The following TRDN variants were observed in gnomAD, a reference collection of about 807,000 sequenced individuals.
TRDN encodes the protein triadin in skeletal muscle.
In TRDN, 161 loss-of-function variants were observed where a neutral mutation model predicts 149.7. The observed-to-expected ratio is 1.08, with a 90% CI of 0.95 to 1.23. The LOEUF is 1.23. Among genes scored for constraint, TRDN ranks in the 50% most tolerant of loss-of-function variants. TRDN has a pLI of 0.00. For missense variants in TRDN, 896 were observed against 823.5 expected, an observed-to-expected ratio of 1.09 and a Z score of -1.08; for synonymous variants, 294 against 250.5, an observed-to-expected ratio of 1.17 and a Z score of -1.64.
chr6:123,301,741 GTA>G (rs1290814800), intron 24 of TRDN, among the ~76,000 whole-genome samples: 1 of 47,344 alleles, frequency 2.1e-5, no homozygotes, highest in East Asian at 4.4e-4. Flanking sequence ...ATGTATGTAT[GTA>G]TATATATACA....
intron 26 of TRDN, among the ~76,000 whole-genome samples, chr6:123,276,219 T>C (rs1030209824): frequency 1.3e-5 from 2 of 152,086 alleles, no homozygotes; most frequent in African/African-American, 2.4e-5. Context: ...TATAGATATA[T>C]ATTATTGTAA....
chr6:123,355,953 C>G (rs928783549), intron 20 of TRDN, among the ~76,000 whole-genome samples: 1 of 151,726 alleles, frequency 6.6e-6, no homozygotes, highest in Non-Finnish European at 1.5e-5. Flanking sequence ...ATTTCTAAAG[C>G]AGTTATGTTT....
chr6:123,574,848 T>TTATA (rs1270587188), intron 1 of TRDN, among the ~76,000 whole-genome samples: 98 of 102,510 alleles, frequency 9.6e-4, no homozygotes, highest in African/African-American at 2.6e-3. Context: ...GAACATGAAT[T>TTATA]TATATATACA....
intron 9 of TRDN, among the ~76,000 whole-genome samples, chr6:123,491,862 G>A (rs1251098950): frequency 6.6e-6 from 1 of 152,082 alleles, no homozygotes; most frequent in African/African-American, 2.4e-5. Context: ...GAAGTCTAAA[G>A]CAAAGCTAAA....
intron 9 of TRDN, among the ~76,000 whole-genome samples, chr6:123,493,288 T>C (rs781011940): frequency 6.6e-6 from 1 of 152,144 alleles, no homozygotes; most frequent in African/African-American, 2.4e-5. Context: ...TTATAATTTA[T>C]ACTGGTTTAT....
At chr6:123,236,306 C>T (rs905203987) in intron 38 of TRDN, among the ~76,000 whole-genome samples, 1 of 152,104 alleles carries the variant, frequency 6.6e-6, no homozygotes, top group Non-Finnish European at 1.5e-5. Flanking sequence ...ATTCATACAT[C>T]CTCTTTGGTG....
chr6:123,493,516 C>T (rs1778309456), intron 9 of TRDN, among the ~76,000 whole-genome samples: 1 of 152,130 alleles, frequency 6.6e-6, no homozygotes, highest in Admixed American at 6.6e-5. Flanking sequence ...CACATTTCAT[C>T]AGCAAGCGTT....
At chr6:123,480,577 C>T (rs953191771) in intron 9 of TRDN, among the ~76,000 whole-genome samples, 3 of 151,966 alleles carry the variant, frequency 2.0e-5, no homozygotes, top group African/African-American at 7.2e-5. Flanking sequence ...TTCAGTATTA[C>T]TTTCCAGAGA....
chr6:123,351,720 A>C (rs1241316337), intron 21 of TRDN: 1 of 928,040 alleles, frequency 1.1e-6, no homozygotes, highest in African/African-American at 1.8e-5. Context: ...ATTTAATTGC[A>C]TCTCAAATTT....
intron 12 of TRDN, among the ~76,000 whole-genome samples, chr6:123,401,597 A>G (rs770621236): frequency 1.3e-5 from 2 of 152,140 alleles, no homozygotes; most frequent in Non-Finnish European, 2.9e-5. Context: ...AATAAAGTGT[A>G]TGGTACTCTG....
intron 21 of TRDN, chr6:123,350,045 A>G (rs933544282): frequency 2.0e-6 from 2 of 984,226 alleles, no homozygotes; most frequent in Non-Finnish European, 1.2e-6. Flanking sequence ...GCAAAGTTGA[A>G]TATTTTATTA....
chr6:123,278,415 ATATT>A, intron 25 of TRDN, 68 bp from the exon 26 acceptor site: 1 of 978,014 alleles, frequency 1.0e-6, no homozygotes, highest in Non-Finnish European at 1.4e-6. Flanking sequence ...ATACTTGTGC[ATATT>A]TATTTTTATA....
intron 10 of TRDN, chr6:123,462,773 T>C (rs1776528822): frequency 6.6e-6 from 1 of 152,132 alleles, no homozygotes. Context: ...AGGACTGGCA[T>C]AATCAGCCTC....
chr6:123,576,081 T>G (rs376883728), intron 1 of TRDN, among the ~76,000 whole-genome samples: 2 of 152,140 alleles, frequency 1.3e-5, no homozygotes, highest in African/African-American at 4.8e-5. Flanking sequence ...AAAGGAAGTA[T>G]ATACTACTGA....
At chr6:123,240,707 C>G (rs767335305) in intron 38 of TRDN, among the ~76,000 whole-genome samples, 1 of 151,854 alleles carries the variant, frequency 6.6e-6, no homozygotes, top group South Asian at 2.1e-4. Flanking sequence ...AAGACTTGTT[C>G]TATAACTACA....
At chr6:123,297,191 T>A (rs1449727581) in intron 24 of TRDN, among the ~76,000 whole-genome samples, 1 of 152,070 alleles carries the variant, frequency 6.6e-6, no homozygotes, top group East Asian at 1.9e-4. Flanking sequence ...CTACAATAAT[T>A]TCTATGAAAT....
chr6:123,615,895 G>A (rs1006036653), intron 1 of TRDN, among the ~76,000 whole-genome samples: 5 of 151,990 alleles, frequency 3.3e-5, no homozygotes, highest in Non-Finnish European at 7.4e-5. Flanking sequence ...CTAGAATAAT[G>A]GATTTTGAAT....
At chr6:123,575,028 A>G (rs2114555210) in intron 1 of TRDN, among the ~76,000 whole-genome samples, 1 of 151,620 alleles carries the variant, frequency 6.6e-6, no homozygotes, top group East Asian at 1.9e-4. Flanking sequence ...TATTCACTTA[A>G]TGATCCTTCC....
intron 1 of TRDN, among the ~76,000 whole-genome samples, chr6:123,626,158 A>G (rs1295377547): frequency 2.0e-5 from 3 of 152,110 alleles, no homozygotes; most frequent in Non-Finnish European, 4.4e-5. Flanking sequence ...CTTCCATCTC[A>G]AGAAACCACT....
Sources: allele counts gnomAD v4.1 joint callset (sites outside exome capture counted in the v4.1 genomes callset), GRCh38; gene constraint gnomAD v4.1.1; transcripts MANE v1.5; gene names NCBI Gene and HGNC (gene_info 2026-07-23, HGNC 2026-07-21).